ELF5: variants seen among roughly 807,000 people sequenced by gnomAD.
ELF5 encodes the protein E74 like ETS transcription factor 5, also known as ETS-related transcription factor Elf-5.
ELF5 carries 31 observed loss-of-function variants against 38.2 expected under a neutral mutation model. The observed-to-expected ratio is 0.81, with a 90% CI of 0.61 to 1.10. ELF5 has a LOEUF of 1.10. Ranked by LOEUF, ELF5 falls within the 50% of genes least tolerant of loss-of-function variation. The probability of loss-of-function intolerance (pLI) is 0.00; values close to 1 mark genes in which losing one functional copy is unlikely to be tolerated. For missense variants in ELF5, 300 were observed against 306.6 expected, an observed-to-expected ratio of 0.98 and a Z score of 0.16; for synonymous variants, 121 against 112.5, an observed-to-expected ratio of 1.08 and a Z score of -0.48.
chr11:34,493,484 G>T lies in ELF5; in HGVS notation c.350C>A (p.Thr117Lys), dbSNP rs1850231329. 6.2e-7 allele frequency: 1 copy of T among 1,613,298 alleles called. No individual in the cohort carries two copies. The highest frequency in any genetic ancestry group is 1.7e-5 in the Admixed American group (1 of 59,882). ...YLYFILQNIR[T>K]QGYSFFNDAE... Reference sequence around the variant, plus strand: ...CTGGCCCTCTGAACACTGACCTTGTGTGCGGATGTTCTGGAGGATGAAGTA... The same window carrying T: ...CTGGCCCTCTGAACACTGACCTTGTTTGCGGATGTTCTGGAGGATGAAGTA... The change falls in exon 3 of 7, where the codon ACA becomes AAA. Residue 117 changes from threonine to lysine, a missense_variant. By Grantham distance (78) the Thr-to-Lys change is moderately conservative (BLOSUM62 -1). Transcript: ENST00000257832.
chr11:34,484,751 C>T (rs1254908137), intron 4 of ELF5, among the ~76,000 whole-genome samples: 1 of 152,100 alleles, frequency 6.6e-6, no homozygotes, highest in Non-Finnish European at 1.5e-5. Flanking sequence ...AGACTGACCC[C>T]CATCCAGATC....
rs72558004 is a variant in ELF5, at chr11:34,480,278, G to T, written c.708C>A (p.Asp236Glu). ...TTCCAAATTTGTACACTAACCTTCGGTCAACCCGCTCCAAAATTCCTGTTT... is the reference window on the plus strand; with the variant it reads ...TTCCAAATTTGTACACTAACCTTCGTTCAACCCGCTCCAAAATTCCTGTTT... Reference protein sequence around the residue: ...YYKTGILERVDRRLVYKFGKN... With the variant: ...YYKTGILERVERRLVYKFGKN... Residue 236 changes from aspartate to glutamate, a missense_variant, in exon 7 of 7, where the codon GAC becomes GAA. Physicochemically the swap from Asp to Glu is conservative, Grantham distance 45. Transcript: ENST00000257832. 2 of 1,613,756 alleles carry T rather than the reference G, an allele frequency of 1.2e-6. No homozygotes were observed. Among genetic ancestry groups the T allele is most frequent in the Non-Finnish European group, 1.7e-6 (2 of 1,179,996 alleles).
chr11:34,511,907 T>A (rs185638279), intron 1 of ELF5: 70 of 325,244 alleles, frequency 2.2e-4, no homozygotes, highest in Admixed American at 4.4e-4. Flanking sequence ...ATCTACACAT[T>A]GGCTGTTTAC....
intron 2 of ELF5, among the ~76,000 whole-genome samples, chr11:34,505,316 T>C (rs1303333376): frequency 6.6e-6 from 1 of 152,170 alleles, no homozygotes; most frequent in East Asian, 1.9e-4. Context: ...TTCTTTCTAC[T>C]ACATTGTTTA....
chr11:34,511,547 T>G (rs1850757023), intron 1 of ELF5: 1 of 1,614,130 alleles, frequency 6.2e-7, no homozygotes, highest in Non-Finnish European at 8.5e-7. Context: ...CAGGTACCTG[T>G]GGGAGTGAGG....
At chr11:34,511,684 T>C in intron 1 of ELF5, 1 of 1,320,356 alleles carries the variant, frequency 7.6e-7, no homozygotes, top group East Asian at 2.4e-5. Context: ...GCCTGTGGGC[T>C]TCTCAGTGTC....
rs1006328183 is a variant in ELF5, at chr11:34,478,851, T to A, written c.*1367A>T. ...AAACTATATCCACCTGGAAAACACATGAATCCAAAATAGATTATTTTACAG... is the reference window on the plus strand; with the variant it reads ...AAACTATATCCACCTGGAAAACACAAGAATCCAAAATAGATTATTTTACAG... On this transcript the variant is annotated 3_prime_UTR_variant, in exon 7 of 7. Coordinates refer to ENST00000257832, the MANE Select transcript of ELF5 (RefSeq NM_001422.4). 2 of 152,672 alleles carry A rather than the reference T, an allele frequency of 1.3e-5. No individual in the cohort carries two copies. Among genetic ancestry groups the A allele is most frequent in the African/African-American group, 4.8e-5 (2 of 41,468 alleles). 9.5% of individuals were successfully genotyped at this position (152,672 alleles called of 1,614,324 possible).
chr11:34,490,507 G>A (rs1041726737), intron 3 of ELF5, among the ~76,000 whole-genome samples: 5 of 152,202 alleles, frequency 3.3e-5, no homozygotes, highest in African/African-American at 1.2e-4. Flanking sequence ...CTCTGACATG[G>A]CCTCTAATCC....
chr11:34,494,906 C>G (rs2133887295), intron 2 of ELF5, among the ~76,000 whole-genome samples: 1 of 152,266 alleles, frequency 6.6e-6, no homozygotes, highest in African/African-American at 2.4e-5. Flanking sequence ...TGGAACAGAG[C>G]CTGGAGGATT....
chr11:34,485,383 A>G (rs1026479318), intron 4 of ELF5, among the ~76,000 whole-genome samples: 6 of 152,214 alleles, frequency 3.9e-5, no homozygotes, highest in Non-Finnish European at 8.8e-5. Flanking sequence ...AGATATGTCT[A>G]TTACTACCCC....
At chr11:34,501,195 G>A (rs190649986) in intron 2 of ELF5, among the ~76,000 whole-genome samples, 4 of 152,292 alleles carry the variant, frequency 2.6e-5, no homozygotes, top group African/African-American at 9.6e-5. Context: ...AATTAAAGTG[G>A]AGAAGCATGC....
chr11:34,488,906 A>T (rs1283001990), intron 4 of ELF5, among the ~76,000 whole-genome samples: 1 of 152,202 alleles, frequency 6.6e-6, no homozygotes, highest in Non-Finnish European at 1.5e-5. Flanking sequence ...GTGTGGTGGT[A>T]AAAGCTGGGA....
intron 1 of ELF5, among the ~76,000 whole-genome samples, chr11:34,509,938 G>A (rs1296158867): frequency 6.6e-6 from 1 of 152,046 alleles, no homozygotes; most frequent in African/African-American, 2.4e-5. Flanking sequence ...CACGACAGTG[G>A]GAATGAGATC....
intron 1 of ELF5, among the ~76,000 whole-genome samples, chr11:34,509,470 T>C (rs11032731): frequency 0.031 from 4,787 of 152,282 alleles, 173 homozygotes; most frequent in African/African-American, 0.087. Context: ...GAAGTCTCTT[T>C]GCTGATGCCT....
chr11:34,512,112 C>T (rs1346084668), intron 1 of ELF5, among the ~76,000 whole-genome samples: 1 of 152,156 alleles, frequency 6.6e-6, no homozygotes. Flanking sequence ...GGGTCAATTT[C>T]CCAGCCCTTG....
rs745824199 is a variant in ELF5, at chr11:34,493,524, AG to A, written c.309del (p.Cys104AlafsTer39). 6.2e-7 allele frequency: 1 copy of A among 1,614,168 alleles called. No homozygotes were observed. The highest frequency in any genetic ancestry group is 8.5e-7 in the Non-Finnish European group (1 of 1,180,036). The stretch of plus-strand genomic sequence containing the variant: ...AGGATGAAGTACAGGTACTCGCCGC[AG>A]AGGCCAGCTGCCTCGACGAACTCCT... Reference protein sequence around the residue: ...TQEEFVEAAGLCGEYLYFILQ... With the variant: ...TQEEFVEAAGXCGEYLYFILQ... On this transcript the variant is annotated frameshift_variant, in exon 3 of 7. Coordinates refer to ENST00000257832, the MANE Select transcript of ELF5 (RefSeq NM_001422.4). LOFTEE classifies it high-confidence loss of function.
rs1564979611 is a variant in ELF5, at chr11:34,493,697, C to T, written c.137G>A (p.Trp46Ter). Residue 46 changes from tryptophan to a stop codon, truncating the protein, a stop_gained, in exon 3 of 7, where the codon TGG (tryptophan) becomes TAG (stop). Transcript: ENST00000257832. LOFTEE classifies it high-confidence loss of function. ...FEHQTACDSY[W>*]TSVHPEYWTK... ...CCAGTATTCAGGGTGGACTGATGTC[C>T]AGTATGAGTCACAGGCTGCACCAAA... is the stretch of plus-strand genomic sequence containing the variant. The T allele has an allele frequency of 6.2e-7, 1 of 1,613,968 alleles. No individual in the cohort carries two copies. Among genetic ancestry groups the T allele is most frequent in the Non-Finnish European group, 8.5e-7 (1 of 1,179,860 alleles).
intron 3 of ELF5, chr11:34,493,008 C>T (rs2133884740): frequency 1.0e-5 from 2 of 198,064 alleles, no homozygotes; most frequent in South Asian, 2.2e-4. Flanking sequence ...TTAAATAATG[C>T]TATTGGCGCC....
chr11:34,491,554 G>T (rs139397482), intron 3 of ELF5: 1 of 151,632 alleles, frequency 6.6e-6, no homozygotes, highest in Non-Finnish European at 1.5e-5. Flanking sequence ...ACAGGGCCCT[G>T]GGGTAATAAA....
Sources: gnomAD v4.1 joint callset for allele counts (sites outside exome capture counted in the v4.1 genomes callset) on GRCh38, gnomAD v4.1.1 for gene constraint, MANE v1.5 for transcripts, NCBI Gene and HGNC (gene_info 2026-07-23, HGNC 2026-07-21) for gene names.